ABAT: variants seen among roughly 807,000 people sequenced by gnomAD.
The protein encoded by ABAT is 4-aminobutyrate aminotransferase.
ABAT carries 45 observed loss-of-function variants against 64.6 expected under a neutral mutation model. The observed-to-expected ratio is 0.70, with a 90% CI of 0.55 to 0.89. The LOEUF (loss-of-function observed/expected upper bound fraction) is 0.89. Ranked by LOEUF, ABAT falls within the 40% of genes least tolerant of loss-of-function variation. The pLI is 0.00. For synonymous variants in ABAT, 297 were observed against 250.5 expected (o/e 1.19, Z -1.75); for missense variants, 633 against 658.4 (o/e 0.96, Z 0.42).
intron 1 of ABAT, among the ~76,000 whole-genome samples, chr16:8,710,770 GAACT>G (rs2058054525): frequency 6.7e-6 from 1 of 149,918 alleles, no homozygotes; most frequent in African/African-American, 2.4e-5. Context: ...ATCTGAGCAG[GAACT>G]AGAACTAGGC....
At chr16:8,761,979 C>A (rs956558728) in intron 6 of ABAT, among the ~76,000 whole-genome samples, 2 of 85,126 alleles carry the variant, frequency 2.3e-5, no homozygotes, top group Admixed American at 1.5e-4. Flanking sequence ...CCTTCTTCTT[C>A]CTTCTCCTTC....
intron 1 of ABAT, among the ~76,000 whole-genome samples, chr16:8,679,526 CAA>C (rs35069718): frequency 2.8e-3 from 380 of 133,636 alleles, no homozygotes; most frequent in African/African-American, 9.8e-3. Context: ...ACATGAAAGC[CAA>C]AAAAAAAAAA....
chr16:8,740,557 G>C (rs935503629), intron 2 of ABAT, among the ~76,000 whole-genome samples: 3 of 152,148 alleles, frequency 2.0e-5, no homozygotes, highest in African/African-American at 7.2e-5. Context: ...AGCAAGAGAG[G>C]GTGCCAAAAA....
intron 1 of ABAT, among the ~76,000 whole-genome samples, chr16:8,722,116 C>T (rs2058389348): frequency 6.6e-6 from 1 of 152,196 alleles, no homozygotes; most frequent in Non-Finnish European, 1.5e-5. Context: ...GCCAGCCTGC[C>T]TTTAACACCT....
chr16:8,780,209 G>C (rs1364729400), intron 15 of ABAT, among the ~76,000 whole-genome samples: 1 of 152,092 alleles, frequency 6.6e-6, no homozygotes, highest in Non-Finnish European at 1.5e-5. Context: ...GATGAAGCTG[G>C]GGGAGGAGAG....
Position 8,733,613 on chromosome 16 carries a change from T to C in ABAT, c.-41-2086T>C, listed in dbSNP as rs976266333. On this transcript the variant is annotated intron_variant, in intron 1 of 15. Coordinates refer to ENST00000268251, the MANE Select transcript of ABAT (RefSeq NM_020686.6). The stretch of plus-strand genomic sequence containing the variant: ...GGGAGGCCGAGGCTGGCGGATCACT[T>C]GCGGTTAGGGGCTGGAGACCGGCCT... Among the ~76,000 whole-genome samples, 5 of 151,990 alleles carry C rather than the reference T, an allele frequency of 3.3e-5. No homozygotes were observed. The South Asian group carries it at 6.2e-4, about 19-fold the overall frequency.
At chr16:8,777,891 T>C (rs533990855) in intron 14 of ABAT, among the ~76,000 whole-genome samples, 5 of 152,230 alleles carry the variant, frequency 3.3e-5, no homozygotes, top group African/African-American at 1.2e-4. Context: ...AGCAGGAGGA[T>C]TGCCTTCAGC....
At chr16:8,769,047 A>C in intron 11 of ABAT, 74 bp downstream of exon 11, 1 of 1,597,656 alleles carries the variant, frequency 6.3e-7, no homozygotes, top group Non-Finnish European at 8.6e-7. Context: ...CTTGGGGAGA[A>C]GAGAAACAGA....
intron 1 of ABAT, among the ~76,000 whole-genome samples, chr16:8,724,696 T>C (rs1341736419): frequency 8.4e-6 from 1 of 119,464 alleles, no homozygotes; most frequent in East Asian, 3.0e-4. Flanking sequence ...ACCACTCCAC[T>C]CCAGCTTGGG....
chr16:8,755,930 G>T (rs1056802325), intron 5 of ABAT, among the ~76,000 whole-genome samples: 22 of 152,096 alleles, frequency 1.4e-4, no homozygotes, highest in Admixed American at 1.0e-3. Context: ...GCGCCTGTAG[G>T]CCCAGCTACT....
At chr16:8,717,387 C>T (rs1339868933) in intron 1 of ABAT, among the ~76,000 whole-genome samples, 2 of 152,122 alleles carry the variant, frequency 1.3e-5, no homozygotes, top group African/African-American at 4.8e-5. Context: ...TTGGTTTCAG[C>T]TGTTTTTGCT....
At chr16:8,738,679 T>C (rs1010990800) in intron 2 of ABAT, among the ~76,000 whole-genome samples, 2 of 150,832 alleles carry the variant, frequency 1.3e-5, no homozygotes, top group Non-Finnish European at 2.9e-5. Context: ...TCTCACTCTG[T>C]TGGCCAGGCT....
At chr16:8,692,082 G>C (rs1378499939) in intron 1 of ABAT, among the ~76,000 whole-genome samples, 1 of 152,148 alleles carries the variant, frequency 6.6e-6, no homozygotes, top group African/African-American at 2.4e-5. Context: ...TTCCATGTTA[G>C]AGTCAGTAAA....
At chr16:8,716,607 C>A (rs192165754) in intron 1 of ABAT, among the ~76,000 whole-genome samples, 32 of 152,300 alleles carry the variant, frequency 2.1e-4, no homozygotes, top group African/African-American at 7.5e-4. Context: ...AATTCGTAAC[C>A]ATTTTCTCAC....
chr16:8,679,581 G>T (rs918316050), intron 1 of ABAT, among the ~76,000 whole-genome samples: 2 of 151,550 alleles, frequency 1.3e-5, no homozygotes, highest in Non-Finnish European at 2.9e-5. Context: ...CTCTCATTGG[G>T]CCGCTGTGAG....
At chr16:8,735,850 A>G in intron 2 of ABAT, 41 bp downstream of exon 2, 2 of 1,540,080 alleles carry the variant, frequency 1.3e-6, no homozygotes, top group Non-Finnish European at 1.8e-6. Flanking sequence ...TACTAATGGA[A>G]GATACCATCC....
rs143044742 is a variant in ABAT at position 8,703,646 on chromosome 16, C to T, written c.-42+28935C>T. 3.9e-3 allele frequency among the ~76,000 whole-genome samples: 589 copies of T among 152,186 alleles called. 6 individuals are homozygous for T. The highest frequency in any genetic ancestry group is 0.031 in the Middle Eastern group (9 of 294). The stretch of plus-strand genomic sequence containing the variant: ...GACAGTGTCTGAGGGCAAAAGTGGC[C>T]CTCTTGGGTCTGTGTCCGTTCTCTA... On this transcript the variant is annotated intron_variant, in intron 1 of 15. Coordinates refer to ENST00000268251, the MANE Select transcript of ABAT (RefSeq NM_020686.6).
At position 8,721,382 on chromosome 16, in the gene ABAT, G is replaced by A. The variant is rs117022880; in HGVS notation, c.-41-14317G>A. On this transcript the variant is annotated intron_variant, in intron 1 of 15. Transcript: ENST00000268251. ...CCACTCTTTATGGTAATTAACAGTAGTTCTCAGCCTCCGAGCCTCCAGAGC... is the reference window on the plus strand; with the variant it reads ...CCACTCTTTATGGTAATTAACAGTAATTCTCAGCCTCCGAGCCTCCAGAGC... Among the ~76,000 whole-genome samples, 65 of 152,274 alleles carry A rather than the reference G, an allele frequency of 4.3e-4. No homozygotes were observed. In the East Asian group the frequency reaches 0.012, roughly 29 times the overall value.
rs569282176 is a variant in ABAT at position 8,771,121 on chromosome 16, C to T, written c.817-1659C>T. 7.9e-3 allele frequency among the ~76,000 whole-genome samples: 1,204 copies of T among 152,046 alleles called. 8 individuals are homozygous for T. The highest frequency in any genetic ancestry group is 0.013 in the Non-Finnish European group (908 of 67,984). Reference sequence around the variant, plus strand: ...GAGCAGCCTGACTAACATGGAGAAACCCCATCTCTACTAAAAATACAAAAT... The same window carrying T: ...GAGCAGCCTGACTAACATGGAGAAATCCCATCTCTACTAAAAATACAAAAT... On this transcript the variant is annotated intron_variant, in intron 11 of 15. Transcript: ENST00000268251.
Sources: allele counts gnomAD v4.1 joint callset (sites outside exome capture counted in the v4.1 genomes callset), GRCh38; gene constraint gnomAD v4.1.1; transcripts MANE v1.5; gene names NCBI Gene and HGNC (gene_info 2026-07-23, HGNC 2026-07-21).